Variants in REC114 observed in about 807,000 individuals in gnomAD.
REC114 encodes the protein meiotic recombination protein REC114.
Under a neutral mutation model 31.3 loss-of-function variants are expected in REC114, and 27 were observed. The ratio of observed to expected loss-of-function variants is 0.86; its 90% confidence interval spans 0.64 to 1.19. The LOEUF (loss-of-function observed/expected upper bound fraction) is 1.19, where lower values mean the gene tolerates loss of function less well. Ranked by LOEUF, REC114 falls within the 50% of genes most tolerant of loss-of-function variation. The probability of loss-of-function intolerance (pLI) is 0.00; values close to 1 mark genes in which losing one functional copy is unlikely to be tolerated. For missense variants in REC114, 344 were observed against 326.9 expected (o/e 1.05, Z -0.40); for synonymous variants, 134 against 127.7 (o/e 1.05, Z -0.33).
At chr15:73,512,911 C>CA (rs1473244852) in intron 2 of REC114, among the ~76,000 whole-genome samples, 4 of 151,762 alleles carry the variant, frequency 2.6e-5, no homozygotes, top group Non-Finnish European at 4.4e-5. Context: ...GTGAATCTGA[C>CA]AATTATGTGC....
chr15:73,539,997 G>A (rs1894217098), intron 2 of REC114, among the ~76,000 whole-genome samples: 1 of 152,072 alleles, frequency 6.6e-6, no homozygotes, highest in African/African-American at 2.4e-5. Context: ...AAATGAAGAA[G>A]TAAACATTCA....
chr15:73,559,952 G>A lies in REC114; in HGVS notation c.*36G>A. The A allele has an allele frequency of 6.6e-7, 1 of 1,511,990 alleles. No individual in the cohort carries two copies. Among genetic ancestry groups the A allele is most frequent in the East Asian group, 2.5e-5 (1 of 40,494 alleles). 93.7% of individuals were successfully genotyped at this position (1,511,990 alleles called of 1,614,324 possible). A position where few individuals can be genotyped will look rare whatever the true frequency, so the allele number is the denominator to read the frequency against. Reference sequence around the variant, plus strand: ...ACATATATAACTAAGGAACTTCAAAGTATTGAAAAATGCTTCCTCCTAAAA... The same window carrying A: ...ACATATATAACTAAGGAACTTCAAAATATTGAAAAATGCTTCCTCCTAAAA... On this transcript the variant is annotated 3_prime_UTR_variant, in exon 6 of 6. Coordinates refer to ENST00000331090, the MANE Select transcript of REC114 (RefSeq NM_001042367.2).
At chr15:73,461,922 C>CTTTTTTTTTTTTTTTTT (rs961387922) in intron 1 of REC114, among the ~76,000 whole-genome samples, 20 of 78,202 alleles carry the variant, frequency 2.6e-4, no homozygotes, top group Non-Finnish European at 5.0e-4. Context: ...TTTTTCTTTT[C>CTTTTTTTTTTTTTTTTT]TTTTTTTTTT....
intron 2 of REC114, among the ~76,000 whole-genome samples, chr15:73,487,001 A>G (rs935268601): frequency 1.3e-5 from 2 of 151,954 alleles, no homozygotes; most frequent in Admixed American, 6.6e-5. Context: ...AGCCTGGACA[A>G]CAAGAGCGAA....
chr15:73,498,896 T>C (rs557910756), intron 2 of REC114, among the ~76,000 whole-genome samples: 1 of 152,296 alleles, frequency 6.6e-6, no homozygotes, highest in East Asian at 1.9e-4. Flanking sequence ...ATTTTGGAGA[T>C]GGATGTTTTG....
At chr15:73,463,969 A>G (rs1226341174) in intron 1 of REC114, among the ~76,000 whole-genome samples, 2 of 152,192 alleles carry the variant, frequency 1.3e-5, no homozygotes, top group Admixed American at 6.5e-5. Flanking sequence ...ATCCCCATTA[A>G]TGCCTGGAAC....
chr15:73,499,045 G>C (rs76112860), intron 2 of REC114, among the ~76,000 whole-genome samples: 9,420 of 152,066 alleles, frequency 0.062, 326 homozygotes, highest in South Asian at 0.093. Context: ...CTTGTTTGCA[G>C]AATGGTGCTC....
At chr15:73,493,943 A>G (rs1307927108) in intron 2 of REC114, among the ~76,000 whole-genome samples, 2 of 152,188 alleles carry the variant, frequency 1.3e-5, no homozygotes, top group Non-Finnish European at 2.9e-5. Flanking sequence ...CAGATTCCAG[A>G]TGAGGGCTTT....
chr15:73,448,027 G>C (rs927913832), intron 1 of REC114, among the ~76,000 whole-genome samples: 1 of 152,152 alleles, frequency 6.6e-6, no homozygotes, highest in African/African-American at 2.4e-5. Context: ...ACACCACCGA[G>C]GGCCCTGGGT....
At chr15:73,514,511 T>G (rs193124820) in intron 2 of REC114, among the ~76,000 whole-genome samples, 20 of 152,212 alleles carry the variant, frequency 1.3e-4, no homozygotes, top group African/African-American at 4.8e-4. Flanking sequence ...ATTCTATTTC[T>G]CCAAATCTGT....
chr15:73,518,691 G>A (rs563024116), intron 2 of REC114, among the ~76,000 whole-genome samples: 136 of 152,274 alleles, frequency 8.9e-4, no homozygotes, highest in African/African-American at 3.0e-3. Context: ...AAGGAAAACC[G>A]AAGAATGCAT....
intron 5 of REC114, 125 bp downstream of exon 5, chr15:73,556,516 T>C (rs1220111514): frequency 7.4e-6 from 6 of 809,898 alleles, no homozygotes; most frequent in South Asian, 3.7e-5. Flanking sequence ...TAAAAGGTGA[T>C]AGAGACAGAG....
chr15:73,490,005 A>G (rs1893423019), intron 2 of REC114, among the ~76,000 whole-genome samples: 2 of 152,244 alleles, frequency 1.3e-5, no homozygotes, highest in South Asian at 4.1e-4. Flanking sequence ...GAATAGGTAC[A>G]GTGAATCTCA....
At chr15:73,499,163 C>G (rs892945765) in intron 2 of REC114, among the ~76,000 whole-genome samples, 7 of 151,992 alleles carry the variant, frequency 4.6e-5, no homozygotes, top group African/African-American at 1.7e-4. Context: ...AAGGCGTTAA[C>G]ACTTCTGAAT....
chr15:73,559,231 G>A (rs1034220392), intron 5 of REC114, among the ~76,000 whole-genome samples: 9 of 152,174 alleles, frequency 5.9e-5, no homozygotes, highest in Non-Finnish European at 7.3e-5. Context: ...ACAGTTACAC[G>A]ACTATTTGTC....
At position 73,469,260 on chromosome 15, in the gene REC114, G is replaced by T. The variant is rs570023511; in HGVS notation, c.160-4572G>T. Among the ~76,000 whole-genome samples, 7 of 152,182 alleles carry T rather than the reference G, an allele frequency of 4.6e-5. No individual in the cohort carries two copies. In the South Asian group the frequency reaches 1.0e-3, roughly 23 times the overall value. ...TCCCCTTACAGTTCTATCACTTACT[G>T]CTTCGTGTATTTTTAAGCTCTGTAT... On this transcript the variant is annotated intron_variant, in intron 1 of 5. Transcript: ENST00000331090.
intron 1 of REC114, among the ~76,000 whole-genome samples, chr15:73,468,976 G>T (rs1173165295): frequency 6.6e-6 from 1 of 151,886 alleles, no homozygotes; most frequent in Non-Finnish European, 1.5e-5. Flanking sequence ...TAATTCATCT[G>T]TGCTCAGGTA....
intron 1 of REC114, among the ~76,000 whole-genome samples, chr15:73,444,890 G>A (rs117037434): frequency 0.051 from 7,711 of 152,314 alleles, 234 homozygotes; most frequent in East Asian, 0.11. Context: ...TGTTGTGTTA[G>A]CAGGCATGCA....
At chr15:73,513,950 C>T (rs1358602349) in intron 2 of REC114, among the ~76,000 whole-genome samples, 1 of 152,074 alleles carries the variant, frequency 6.6e-6, no homozygotes, top group African/African-American at 2.4e-5. Flanking sequence ...AGGCAGGCCT[C>T]CTTGAACTGT....
Sources: allele counts gnomAD v4.1 joint callset (sites outside exome capture counted in the v4.1 genomes callset), GRCh38; gene constraint gnomAD v4.1.1; transcripts MANE v1.5; gene names NCBI Gene and HGNC (gene_info 2026-07-23, HGNC 2026-07-21).